The following LINGO2 variants were observed in gnomAD, a reference collection of about 807,000 sequenced individuals.
LINGO2 encodes the protein leucine-rich repeat and immunoglobulin-like domain-containing nogo receptor-interacting protein 2.
In LINGO2, 14 loss-of-function variants were observed where a neutral mutation model predicts 30.6. The observed-to-expected ratio is 0.46, with a 90% CI of 0.30 to 0.72. LINGO2 has a LOEUF of 0.72. Among genes scored for constraint, LINGO2 ranks in the 30% least tolerant of loss-of-function variants. LINGO2 has a pLI of 0.07. For missense variants in LINGO2, 729 were observed against 751.7 expected (o/e 0.97, Z 0.35); for synonymous variants, 317 against 288.5 (o/e 1.10, Z -1.00).
At chr9:27,982,344 T>G (rs946829772) in intron 5 of LINGO2, among the ~76,000 whole-genome samples, 6 of 151,830 alleles carry the variant, frequency 4.0e-5, no homozygotes, top group African/African-American at 1.4e-4. Flanking sequence ...TGAAGTATAC[T>G]TCAGAAGTAA....
intron 3 of LINGO2, among the ~76,000 whole-genome samples, chr9:28,349,934 C>T (rs1365251708): frequency 2.0e-5 from 3 of 152,106 alleles, no homozygotes; most frequent in Non-Finnish European, 4.4e-5. Context: ...AAATCCTTTA[C>T]AGACAAGCAA....
intron 1 of LINGO2, among the ~76,000 whole-genome samples, chr9:28,646,767 TCATGAACA>T (rs1290871656): frequency 6.6e-6 from 1 of 152,112 alleles, no homozygotes; most frequent in Non-Finnish European, 1.5e-5. Context: ...AGTAGCTTCC[TCATGAACA>T]ATGTAGTTTG....
chr9:28,307,784 T>G (rs540096456), intron 3 of LINGO2, among the ~76,000 whole-genome samples: 9 of 151,962 alleles, frequency 5.9e-5, no homozygotes, highest in African/African-American at 1.9e-4. Flanking sequence ...TATACACCAA[T>G]AACAGACAAA....
intron 4 of LINGO2, among the ~76,000 whole-genome samples, chr9:28,221,098 A>G (rs139353080): frequency 0.13 from 19,718 of 151,852 alleles, 1,592 homozygotes; most frequent in East Asian, 0.25. Flanking sequence ...AGGAGATCGA[A>G]ACCATCCTCG....
the LINGO2 span, among the ~76,000 whole-genome samples, chr9:28,884,723 T>C: frequency 6.9e-6 from 1 of 143,974 alleles, no homozygotes; most frequent in East Asian, 2.0e-4. Flanking sequence ...AAATTTGTAA[T>C]ATATAAATTT....
chr9:28,682,745 T>C, the LINGO2 span, among the ~76,000 whole-genome samples: 1 of 152,130 alleles, frequency 6.6e-6, no homozygotes, highest in African/African-American at 2.4e-5. Context: ...ACATTAATTA[T>C]GGATATTGAT....
At chr9:29,147,473 G>A in the LINGO2 span, among the ~76,000 whole-genome samples, 3 of 152,036 alleles carry the variant, frequency 2.0e-5, no homozygotes, top group African/African-American at 7.2e-5. Context: ...CAAGACTTCT[G>A]AGTAATCTAT....
chr9:28,130,391 T>C lies in LINGO2; in HGVS notation c.-86-117986A>G, dbSNP rs1184418892. Among the ~76,000 whole-genome samples the C allele has an allele frequency of 6.6e-6, 1 of 152,218 alleles. No homozygotes were observed. The highest frequency in any genetic ancestry group is 6.5e-5 in the Admixed American group (1 of 15,274). ...ATTTAAACATTCACAAGGACAGAGC[T>C]ATGTTGGGAGACAGTGCCAGACTGC... On this transcript the variant is annotated intron_variant, in intron 4 of 5. Transcript: ENST00000379992. This position sits in a 1 kb window ranked among gnomAD's most constrained non-coding sequence, Gnocchi z 5.2.
At chr9:28,042,351 T>G (rs1191795601) in intron 4 of LINGO2, among the ~76,000 whole-genome samples, 1 of 152,156 alleles carries the variant, frequency 6.6e-6, no homozygotes, top group Admixed American at 6.5e-5. Context: ...AGCTCCATAT[T>G]AATTGTCAAC....
At chr9:29,125,806 T>C in the LINGO2 span, among the ~76,000 whole-genome samples, 1 of 152,070 alleles carries the variant, frequency 6.6e-6, no homozygotes, top group Admixed American at 6.6e-5. Flanking sequence ...GAACATATGG[T>C]TTGTTTTAGA....
Position 28,444,827 on chromosome 9 carries a change from C to T in LINGO2, c.-279+31113G>A, listed in dbSNP as rs559971835. Among the ~76,000 whole-genome samples the T allele has an allele frequency of 1.8e-3, 272 of 152,322 alleles. 1 individual carries two copies. Among genetic ancestry groups the T allele is most frequent in the Non-Finnish European group, 2.4e-3 (164 of 68,028 alleles). On this transcript the variant is annotated intron_variant, in intron 2 of 5. Coordinates refer to ENST00000379992, the Ensembl canonical transcript of LINGO2. ...GACCCCACACTCACTTACTTACATA[C>T]CCCTTGCCACTCTGCACCTGGCTCA...
rs139361962 is a variant in LINGO2 at position 28,663,281 on chromosome 9, C to T, written c.-365+6919G>A. ...TGCTGCCTGGGTTCAAGCAATTCTCCTGTCTCAGCCTCCTGAGTAGCTGGG... is the reference window on the plus strand; with the variant it reads ...TGCTGCCTGGGTTCAAGCAATTCTCTTGTCTCAGCCTCCTGAGTAGCTGGG... On this transcript the variant is annotated intron_variant, in intron 1 of 5. Transcript: ENST00000379992. 5.1e-4 allele frequency among the ~76,000 whole-genome samples: 77 copies of T among 152,244 alleles called. 1 individual carries two copies. The highest frequency in any genetic ancestry group is 1.7e-3 in the African/African-American group (72 of 41,546).
the LINGO2 span, among the ~76,000 whole-genome samples, chr9:28,905,191 G>A: frequency 6.6e-6 from 1 of 150,532 alleles, no homozygotes; most frequent in South Asian, 2.1e-4. Flanking sequence ...AAATAACAGG[G>A]AAGCTCCACG....
At position 28,632,879 on chromosome 9, in the gene LINGO2, TGTAGAG is replaced by T. The variant is rs1202692167; in HGVS notation, c.-365+37315_-365+37320del. Among the ~76,000 whole-genome samples, 302 of 80,812 alleles carry T rather than the reference TGTAGAG, an allele frequency of 3.7e-3. 9 individuals are homozygous for T. The highest frequency in any genetic ancestry group is 0.012 in the African/African-American group (227 of 18,934). The allele number at this position is 80,812 out of a possible 152,430, so 53.0% of individuals were successfully genotyped here. A position where few individuals can be genotyped will look rare whatever the true frequency, so the allele number is the denominator to read the frequency against. On this transcript the variant is annotated intron_variant, in intron 1 of 5. Transcript: ENST00000379992. The stretch of plus-strand genomic sequence containing the variant: ...TTTTATATATATATATATATATATA[TGTAGAG>T]AGAGAGAGAGAGAGAGAGAGAGAGA...
chr9:27,998,075 G>A (rs62554699), intron 5 of LINGO2, among the ~76,000 whole-genome samples: 2,130 of 152,274 alleles, frequency 0.014, 30 homozygotes, highest in Non-Finnish European at 0.022. Flanking sequence ...CAAGATAACG[G>A]CCATCAATTC....
At chr9:28,502,147 C>T (rs1159745425) in intron 1 of LINGO2, among the ~76,000 whole-genome samples, 1 of 151,274 alleles carries the variant, frequency 6.6e-6, no homozygotes, top group African/African-American at 2.4e-5. Context: ...CACACACACA[C>T]ACACACACAC....
chr9:28,825,929 T>A, the LINGO2 span, among the ~76,000 whole-genome samples: 78,147 of 151,978 alleles, frequency 0.51, 20,592 homozygotes, highest in Middle Eastern at 0.66. Context: ...CTTCATGGCA[T>A]GACCAGTCCA....
At chr9:28,615,110 C>G (rs1283307564) in intron 1 of LINGO2, among the ~76,000 whole-genome samples, 1 of 152,036 alleles carries the variant, frequency 6.6e-6, no homozygotes, top group African/African-American at 2.4e-5. Flanking sequence ...AATTTGCCTG[C>G]TCATGGAAGA....
chr9:29,074,338 C>T, the LINGO2 span, among the ~76,000 whole-genome samples: 1 of 152,120 alleles, frequency 6.6e-6, no homozygotes, highest in Non-Finnish European at 1.5e-5. Flanking sequence ...ATTTAAAATA[C>T]ATGTATCATT....
Sources: allele counts gnomAD v4.1 joint callset (sites outside exome capture counted in the v4.1 genomes callset), GRCh38; gene constraint gnomAD v4.1.1; non-coding constraint Gnocchi (gnomAD v3.1); transcripts MANE v1.5; gene names NCBI Gene and HGNC (gene_info 2026-07-23, HGNC 2026-07-21).